Variants in TAAR5 observed in about 807,000 individuals in gnomAD.
TAAR5 encodes the protein trace amine associated receptor 5.
A neutral mutation model predicts 21.1 loss-of-function variants in TAAR5; 27 were observed. That is an observed-to-expected ratio of 1.28 (90% CI 0.94 to 1.76). The LOEUF (loss-of-function observed/expected upper bound fraction) is 1.76. Among genes scored for constraint, TAAR5 ranks in the 40% most tolerant of loss-of-function variants. TAAR5 has a pLI of 0.00. For missense variants in TAAR5, 495 were observed against 405.6 expected, an observed-to-expected ratio of 1.22 and a Z score of -1.89; for synonymous variants, 203 against 167.5, an observed-to-expected ratio of 1.21 and a Z score of -1.64.
the TAAR5 span, among the ~76,000 whole-genome samples, chr6:132,608,025 G>C: frequency 1.8e-4 from 28 of 152,292 alleles, no homozygotes; most frequent in East Asian, 4.8e-3. Context: ...GGTGAGTGTG[G>C]ATTGGAAGTG....
chr6:132,593,078 C>T (rs1227493472), upstream of TAAR5, among the ~76,000 whole-genome samples: 1 of 152,184 alleles, frequency 6.6e-6, no homozygotes, highest in Non-Finnish European at 1.5e-5. Flanking sequence ...GGCTTAGTGA[C>T]CCCTTCTCTG....
the TAAR5 span, among the ~76,000 whole-genome samples, chr6:132,606,162 C>T: frequency 2.0e-5 from 3 of 152,166 alleles, no homozygotes; most frequent in Admixed American, 2.0e-4. Context: ...ACTATACTCA[C>T]TACCTTGATG....
upstream of TAAR5, among the ~76,000 whole-genome samples, chr6:132,590,248 G>A (rs1236019241): frequency 6.6e-6 from 1 of 152,116 alleles, no homozygotes; most frequent in African/African-American, 2.4e-5. Context: ...AAGATTTTTA[G>A]CTACATGCCA....
chr6:132,616,552 G>A, the TAAR5 span, among the ~76,000 whole-genome samples: 1 of 152,276 alleles, frequency 6.6e-6, no homozygotes, highest in East Asian at 1.9e-4. Flanking sequence ...TGTCGCCCCA[G>A]TTACTCAGTT....
At chr6:132,592,273 C>A (rs1162018822), upstream of TAAR5, among the ~76,000 whole-genome samples, 1 of 152,186 alleles carries the variant, frequency 6.6e-6, no homozygotes, top group African/African-American at 2.4e-5. Flanking sequence ...CAAATTACCG[C>A]CAACTTTAAC....
the TAAR5 span, among the ~76,000 whole-genome samples, chr6:132,595,986 T>C: frequency 3.3e-5 from 5 of 152,300 alleles, no homozygotes; most frequent in African/African-American, 1.2e-4. Context: ...AAGGAAACAT[T>C]TATCTCTCCA....
At position 132,589,707 on chromosome 6, in the gene TAAR5, C is replaced by T. The variant is rs772914666; in HGVS notation, c.-21G>A. 2.7e-6 allele frequency: 3 copies of T among 1,124,686 alleles called. No individual in the cohort carries two copies. In the South Asian group the frequency reaches 4.8e-5, roughly 18 times the overall value. The allele number at this position is 1,124,686 out of a possible 1,614,324, so 69.7% of individuals were successfully genotyped here. A position where few individuals can be genotyped will look rare whatever the true frequency, so the allele number is the denominator to read the frequency against. On this transcript the variant is annotated 5_prime_UTR_variant, in exon 1 of 1. Coordinates refer to ENST00000258034, the MANE Select transcript of TAAR5 (RefSeq NM_003967.3). ...CTCATTTATGATTTCTACTCTTCCT[C>T]TGTCTGAGAACTGGCCACCTTCTCC...
chr6:132,607,701 T>C, the TAAR5 span, among the ~76,000 whole-genome samples: 1 of 152,198 alleles, frequency 6.6e-6, no homozygotes, highest in South Asian at 2.1e-4. Flanking sequence ...ATGGCAGTAG[T>C]GAGCCTAAAG....
At chr6:132,605,261 G>A in the TAAR5 span, among the ~76,000 whole-genome samples, 3 of 152,330 alleles carry the variant, frequency 2.0e-5, no homozygotes, top group Middle Eastern at 3.4e-3. Context: ...CTGCAGAATC[G>A]ATTGGAAAGC....
chr6:132,614,620 T>G, the TAAR5 span, among the ~76,000 whole-genome samples: 23 of 152,274 alleles, frequency 1.5e-4, no homozygotes, highest in African/African-American at 5.5e-4. Context: ...GACCGTCCTC[T>G]TGTGGCTTTG....
At chr6:132,602,415 G>A in the TAAR5 span, among the ~76,000 whole-genome samples, 1 of 152,164 alleles carries the variant, frequency 6.6e-6, no homozygotes, top group Non-Finnish European at 1.5e-5. Context: ...TTATCATAAG[G>A]AGGGTGCAAG....
At chr6:132,615,718 A>G in the TAAR5 span, among the ~76,000 whole-genome samples, 1 of 152,150 alleles carries the variant, frequency 6.6e-6, no homozygotes, top group South Asian at 2.1e-4. Context: ...GTTTTGAAAC[A>G]TAAAAGGACA....
At chr6:132,601,757 T>C in the TAAR5 span, among the ~76,000 whole-genome samples, 1 of 152,198 alleles carries the variant, frequency 6.6e-6, no homozygotes, top group Non-Finnish European at 1.5e-5. Context: ...CTCTAATATG[T>C]GACAGTATGT....
the TAAR5 span, among the ~76,000 whole-genome samples, chr6:132,605,600 G>GCA: frequency 6.6e-6 from 1 of 151,854 alleles, no homozygotes; most frequent in Non-Finnish European, 1.5e-5. Context: ...TAATGCATGG[G>GCA]CACACACACA....
At position 132,589,420 on chromosome 6, in the gene TAAR5, G is replaced by C. The variant is rs780841254; in HGVS notation, c.267C>G (p.Pro89=). The C allele has an allele frequency of 6.2e-7, 1 of 1,613,954 alleles. No homozygotes were observed. The highest frequency in any genetic ancestry group is 8.5e-7 in the Non-Finnish European group (1 of 1,179,982). Residue 89 remains proline, a synonymous_variant, in exon 1 of 1, where the codon CCC becomes CCG. Transcript: ENST00000258034. ...TCTCCACTGAGCGAATGGTGCTGAGGGGCAGCACCAGCAGACCCAGAAACA... is the reference window on the plus strand; with the variant it reads ...TCTCCACTGAGCGAATGGTGCTGAGCGGCAGCACCAGCAGACCCAGAAACA... The part of the protein sequence containing the change: ...ADMFLGLLVL[P]LSTIRSVESC...
the TAAR5 span, among the ~76,000 whole-genome samples, chr6:132,600,040 G>C: frequency 6.6e-6 from 1 of 152,078 alleles, no homozygotes; most frequent in African/African-American, 2.4e-5. Flanking sequence ...ACTGTAGGAG[G>C]CATCTACCTC....
the TAAR5 span, among the ~76,000 whole-genome samples, chr6:132,603,899 G>C: frequency 6.6e-6 from 1 of 151,658 alleles, no homozygotes. Flanking sequence ...CAATTCACTG[G>C]TCTGTAATTG....
the TAAR5 span, among the ~76,000 whole-genome samples, chr6:132,599,577 C>T: frequency 6.6e-6 from 1 of 152,116 alleles, no homozygotes; most frequent in Admixed American, 6.6e-5. Flanking sequence ...GATCCACCTG[C>T]ATCCGCCTCC....
upstream of TAAR5, among the ~76,000 whole-genome samples, chr6:132,590,811 AG>A (rs1776895608): frequency 6.6e-6 from 1 of 152,146 alleles, no homozygotes; most frequent in Non-Finnish European, 1.5e-5. Flanking sequence ...TTAATTTTTC[AG>A]TTCTGGGATG....
Sources: allele counts gnomAD v4.1 joint callset (sites outside exome capture counted in the v4.1 genomes callset), GRCh38; gene constraint gnomAD v4.1.1; transcripts MANE v1.5; gene names NCBI Gene and HGNC (gene_info 2026-07-23, HGNC 2026-07-21).